SORBS2: variants seen among roughly 807,000 people sequenced by gnomAD.
SORBS2 encodes the protein sorbin and SH3 domain containing 2, also known as sorbin and SH3 domain-containing protein 2.
Under a neutral mutation model 97.7 loss-of-function variants are expected in SORBS2, and 46 were observed. The observed-to-expected ratio is 0.47, with a 90% confidence interval of 0.37 to 0.60. The LOEUF (loss-of-function observed/expected upper bound fraction) is 0.60. Ranked by LOEUF, SORBS2 falls within the 20% of genes least tolerant of loss-of-function variation. The pLI, the probability that SORBS2 is intolerant of heterozygous loss-of-function variation, is 0.00. For synonymous variants in SORBS2, 476 were observed against 473.4 expected (o/e 1.01, Z -0.07); for missense variants, 1,316 against 1,282.3 (o/e 1.03, Z -0.40).
At position 185,684,881 on chromosome 4, in the gene SORBS2, G is replaced by A; in HGVS notation, c.-197-6059C>T. 2 of 1,504,774 alleles carry A rather than the reference G, an allele frequency of 1.3e-6. No homozygotes were observed. The highest frequency in any genetic ancestry group is 1.2e-5 in the South Asian group (1 of 82,842). 93.2% of individuals were successfully genotyped at this position (1,504,774 alleles called of 1,614,324 possible). On this transcript the variant is annotated intron_variant, in intron 2 of 20. Transcript: ENST00000284776. The surrounding 1 kb of genome is among the most constrained non-coding windows in gnomAD (Gnocchi z 4.2). ...AAAAAATGATATAGCAGAGGCCAAGGCAACGGGAAAAGCACGTGCAATATC... is the reference window on the plus strand; with the variant it reads ...AAAAAATGATATAGCAGAGGCCAAGACAACGGGAAAAGCACGTGCAATATC...
chr4:185,934,965 C>T (rs1352392991), intron 1 of SORBS2, among the ~76,000 whole-genome samples: 3 of 152,016 alleles, frequency 2.0e-5, no homozygotes, highest in African/African-American at 4.8e-5. Flanking sequence ...TGAGTCAGGT[C>T]GCTTCTCCAT....
rs756715411 is a variant in SORBS2 at position 185,647,160 on chromosome 4, A to T, written c.282-378T>A. Among the ~76,000 whole-genome samples, 14 of 152,294 alleles carry T rather than the reference A, an allele frequency of 9.2e-5. 1 individual carries two copies. The highest frequency in any genetic ancestry group is 3.3e-4 in the Admixed American group (5 of 15,304). On this transcript the variant is annotated intron_variant, in intron 3 of 14. Transcript: ENST00000418609. ...GTTTGATCTTATTTCTTGAAGTGGG[A>T]TCATCGCTTGGGAAGAGCACAGAAG... is the stretch of plus-strand genomic sequence containing the variant.
intron 1 of SORBS2, among the ~76,000 whole-genome samples, chr4:185,822,433 C>T (rs1258510598): frequency 1.3e-5 from 2 of 152,250 alleles, no homozygotes; most frequent in Non-Finnish European, 2.9e-5. Context: ...GAAGTGAGTG[C>T]CCGCTTCTGT....
intron 2 of SORBS2, among the ~76,000 whole-genome samples, chr4:185,692,241 T>C (rs1476328252): frequency 6.6e-6 from 1 of 152,132 alleles, no homozygotes; most frequent in Non-Finnish European, 1.5e-5. Flanking sequence ...TGTTGTTGAG[T>C]ATCCACAAGA....
chr4:185,801,316 TTCCTTTGTA>T (rs751534355), intron 1 of SORBS2, among the ~76,000 whole-genome samples: 22 of 152,236 alleles, frequency 1.4e-4, no homozygotes, highest in Non-Finnish European at 3.1e-4. Flanking sequence ...ATTTATTCCT[TTCCTTTGTA>T]TGTATATCCA....
At chr4:185,628,386 C>T (rs1373541688) in intron 5 of SORBS2, among the ~76,000 whole-genome samples, 1 of 150,610 alleles carries the variant, frequency 6.6e-6, no homozygotes, top group Non-Finnish European at 1.5e-5. Flanking sequence ...GGGTTGCCTG[C>T]AGCTTGTCCT....
At chr4:185,835,224 G>T (rs2099207364) in intron 1 of SORBS2, among the ~76,000 whole-genome samples, 1 of 152,078 alleles carries the variant, frequency 6.6e-6, no homozygotes, top group Non-Finnish European at 1.5e-5. Flanking sequence ...CTCTTTTCTT[G>T]ATAAATTACC....
At position 185,623,196 on chromosome 4, in the gene SORBS2, G is replaced by T. The variant is rs770846974; in HGVS notation, c.1933C>A (p.Gln645Lys). 3 of 1,614,054 alleles carry T rather than the reference G, an allele frequency of 1.9e-6. No homozygotes were observed. The highest frequency in any genetic ancestry group is 1.3e-5 in the African/African-American group (1 of 75,004). ...CCCCTTTTCTTTTCAGCTTTAATTTGGTCACAGATGTCTTTAAGGGCAGAG... is the reference window on the plus strand; with the variant it reads ...CCCCTTTTCTTTTCAGCTTTAATTTTGTCACAGATGTCTTTAAGGGCAGAG... The change falls in exon 7 of 15, where the codon CAA becomes AAA. Residue 645 changes from glutamine to lysine, a missense_variant. By Grantham distance (53) the Gln-to-Lys change is moderately conservative (BLOSUM62 1). Coordinates refer to ENST00000418609, the Ensembl canonical transcript of SORBS2. This position sits in a 1 kb window ranked among gnomAD's most constrained non-coding sequence, Gnocchi z 6.4.
Position 185,677,459 on chromosome 4 carries a change from T to C in SORBS2, c.-46+964A>G, listed in dbSNP as rs963111549. On this transcript the variant is annotated intron_variant, in intron 4 of 20. Coordinates refer to the SORBS2 transcript ENST00000284776. Reference sequence around the variant, plus strand: ...TGTTAGATTCTTCAGAATATACAATTGTCTGTCTCGAATCTTCATTGGAAT... The same window carrying C: ...TGTTAGATTCTTCAGAATATACAATCGTCTGTCTCGAATCTTCATTGGAAT... 9 of 1,551,996 alleles carry C rather than the reference T, an allele frequency of 5.8e-6. No homozygotes were observed. The African/African-American group carries it at 1.2e-4, about 21-fold the overall frequency.
chr4:185,759,516 C>A (rs1296659406), intron 2 of SORBS2, among the ~76,000 whole-genome samples: 3 of 151,918 alleles, frequency 2.0e-5, no homozygotes, highest in Non-Finnish European at 4.4e-5. Flanking sequence ...AACGCAGGTG[C>A]AACAATTCAC....
exon 1 of SORBS2, chr4:185,656,712 T>TGCCCAG: frequency 6.5e-7 from 1 of 1,547,848 alleles, no homozygotes; most frequent in Admixed American, 2.0e-5. Flanking sequence ...AGCTGCTGCC[T>TGCCCAG]GCCCAGGCTC....
chr4:185,791,520 T>G (rs1021095900), intron 1 of SORBS2, among the ~76,000 whole-genome samples: 3 of 152,158 alleles, frequency 2.0e-5, no homozygotes, highest in African/African-American at 7.2e-5. Flanking sequence ...GGTGAGGCTG[T>G]ACAGTGTTTA....
chr4:185,731,904 ATATAT>A (rs1201916140), intron 2 of SORBS2, among the ~76,000 whole-genome samples: 146 of 79,998 alleles, frequency 1.8e-3, no homozygotes, highest in African/African-American at 2.9e-3. Flanking sequence ...ATATATATAT[ATATAT>A]GTCTGTTTCT....
chr4:185,908,365 G>GTATACACACAAA (rs2099252858), intron 1 of SORBS2, among the ~76,000 whole-genome samples: 1 of 97,622 alleles, frequency 1.0e-5, no homozygotes, highest in East Asian at 3.0e-4. Context: ...ATATATACAT[G>GTATACACACAAA]TATATATATG....
At chr4:185,778,932 C>T (rs137906279) in intron 1 of SORBS2, among the ~76,000 whole-genome samples, 155 of 152,326 alleles carry the variant, frequency 1.0e-3, no homozygotes, top group Non-Finnish European at 1.8e-3. Flanking sequence ...CTTAAATAAA[C>T]GAGCACGCCA....
At chr4:185,682,318 T>A (rs945315390) in intron 2 of SORBS2, among the ~76,000 whole-genome samples, 2 of 152,108 alleles carry the variant, frequency 1.3e-5, no homozygotes, top group African/African-American at 4.8e-5. Flanking sequence ...TGACAAGGGG[T>A]TTTGGTGAAA....
intron 2 of SORBS2, among the ~76,000 whole-genome samples, chr4:185,759,665 T>C (rs2098855965): frequency 1.3e-5 from 2 of 152,138 alleles, no homozygotes; most frequent in Admixed American, 6.5e-5. Context: ...ATGGAATAAT[T>C]TGATGATATT....
intron 1 of SORBS2, among the ~76,000 whole-genome samples, chr4:185,909,481 C>T (rs556717543): frequency 9.2e-5 from 14 of 151,986 alleles, no homozygotes; most frequent in East Asian, 5.8e-4. Context: ...CAGACTTCAC[C>T]GCTACACAAT....
chr4:185,677,131 G>T, intron 4 of SORBS2: 2 of 1,551,720 alleles, frequency 1.3e-6, no homozygotes, highest in South Asian at 2.4e-5. Flanking sequence ...CCTGAAAGGG[G>T]AGCTATCTGA....
Sources: allele counts gnomAD v4.1 joint callset (sites outside exome capture counted in the v4.1 genomes callset), GRCh38; gene constraint gnomAD v4.1.1; non-coding constraint Gnocchi (gnomAD v3.1); transcripts MANE v1.5; gene names NCBI Gene and HGNC (gene_info 2026-07-23, HGNC 2026-07-21).